PACSIN2: variants seen among roughly 807,000 people sequenced by gnomAD.
The protein encoded by PACSIN2 is protein kinase C and casein kinase substrate in neurons 2.
In PACSIN2, 25 loss-of-function variants were observed where a neutral mutation model predicts 63.8. That is an observed-to-expected ratio of 0.39 (90% confidence interval 0.29 to 0.55). The LOEUF is 0.55. Among genes scored for constraint, PACSIN2 ranks in the 20% least tolerant of loss-of-function variants. The pLI, the probability that PACSIN2 is intolerant of heterozygous loss-of-function variation, is 0.62. For synonymous variants in PACSIN2, 255 were observed against 256.2 expected (o/e 1.00, Z 0.05); for missense variants, 518 against 646.9 (o/e 0.80, Z 2.16).
At chr22:42,941,809 C>T (rs750252863) in intron 1 of PACSIN2, among the ~76,000 whole-genome samples, 4 of 152,202 alleles carry the variant, frequency 2.6e-5, no homozygotes, top group Non-Finnish European at 4.4e-5. Flanking sequence ...CACTCTGTCA[C>T]TCTGTCACCC....
chr22:42,949,298 C>T (rs1933573025), intron 1 of PACSIN2, among the ~76,000 whole-genome samples: 1 of 152,188 alleles, frequency 6.6e-6, no homozygotes, highest in Admixed American at 6.5e-5. Context: ...AGCCTTCTTG[C>T]TCCTAGTATG....
chr22:42,985,351 ATGGGGTGCTCACCCCAGAGACTGGC>A (rs2146893484), intron 1 of PACSIN2, among the ~76,000 whole-genome samples: 2 of 152,312 alleles, frequency 1.3e-5, no homozygotes, highest in South Asian at 4.1e-4. Flanking sequence ...ACCTCTCTGG[ATGGGGTGCTCACCCCAGAGACTGGC>A]TGTCTCCCAC....
chr22:42,952,848 T>G (rs930558285), intron 1 of PACSIN2, among the ~76,000 whole-genome samples: 2 of 152,110 alleles, frequency 1.3e-5, no homozygotes, highest in Admixed American at 6.6e-5. Context: ...TGTTTTTTAG[T>G]AGAGACGGGG....
At chr22:42,939,643 A>G (rs1303744937) in intron 1 of PACSIN2, among the ~76,000 whole-genome samples, 1 of 152,202 alleles carries the variant, frequency 6.6e-6, no homozygotes, top group African/African-American at 2.4e-5. Context: ...GGGTGGGACT[A>G]GAACACACAA....
intron 10 of PACSIN2, among the ~76,000 whole-genome samples, chr22:42,874,779 C>A (rs1446501228): frequency 6.6e-6 from 1 of 152,192 alleles, no homozygotes; most frequent in Non-Finnish European, 1.5e-5. Flanking sequence ...CAGCCTTGGC[C>A]CAGCAAGGTG....
intron 1 of PACSIN2, among the ~76,000 whole-genome samples, chr22:42,974,532 A>G (rs986328403): frequency 6.6e-6 from 1 of 152,100 alleles, no homozygotes; most frequent in Non-Finnish European, 1.5e-5. Flanking sequence ...GAGGCCATCC[A>G]TTAAAAGATC....
intron 4 of PACSIN2, 99 bp from the exon 5 acceptor site, chr22:42,888,897 G>C (rs1602188073): frequency 8.1e-7 from 1 of 1,230,584 alleles, no homozygotes; most frequent in Non-Finnish European, 1.2e-6. Flanking sequence ...TACCAAGAGG[G>C]GAGAAAAAGG....
Position 43,009,871 on chromosome 22 carries a change from T to TTTA in PACSIN2, c.-78+5149_-78+5150insTAA, listed in dbSNP as rs1569376996. ...ACATCATTTTATTTTTTCTATTTTTTTTTTTTTTTTTTTTTGAGACAGAGT... is the reference window on the plus strand; with the variant it reads ...ACATCATTTTATTTTTTCTATTTTTTTTATTTTTTTTTTTTTTTGAGACAGAGT... On this transcript the variant is annotated intron_variant, in intron 1 of 10. Coordinates refer to ENST00000263246, the MANE Select transcript of PACSIN2 (RefSeq NM_001184970.3). Among the ~76,000 whole-genome samples, 534 of 69,074 alleles carry TTTA rather than the reference T, an allele frequency of 7.7e-3. 7 individuals are homozygous for TTTA. The highest frequency in any genetic ancestry group is 0.018 in the African/African-American group (509 of 28,204). 45.3% of individuals were successfully genotyped at this position (69,074 alleles called of 152,430 possible).
chr22:42,919,326 G>C (rs1380023210), intron 1 of PACSIN2, among the ~76,000 whole-genome samples: 3 of 152,090 alleles, frequency 2.0e-5, no homozygotes, highest in Non-Finnish European at 4.4e-5. Context: ...TAAGAGGCTC[G>C]GGGCGACAGC....
chr22:42,918,849 C>T (rs764693375), intron 1 of PACSIN2, among the ~76,000 whole-genome samples: 13 of 152,132 alleles, frequency 8.5e-5, no homozygotes, highest in Non-Finnish European at 1.8e-4. Flanking sequence ...TTTTGACACA[C>T]ACATGTCCTT....
At chr22:42,926,330 G>A (rs563392980) in intron 1 of PACSIN2, among the ~76,000 whole-genome samples, 5 of 152,118 alleles carry the variant, frequency 3.3e-5, no homozygotes, top group Admixed American at 1.3e-4. Flanking sequence ...AGCACCCATC[G>A]GCCTGGGCAG....
intron 1 of PACSIN2, among the ~76,000 whole-genome samples, chr22:42,994,606 G>GT (rs1923273551): frequency 1.3e-5 from 2 of 152,246 alleles, no homozygotes; most frequent in Non-Finnish European, 1.5e-5. Context: ...GGGTCTGGGG[G>GT]TTACTGGGGC....
rs111792107 is a variant in PACSIN2, at chr22:42,938,419, G to A, written c.-77-26262C>T. On this transcript the variant is annotated intron_variant, in intron 1 of 10. Transcript: ENST00000263246. ...CTCCCCTCTGGAACACACAGGAGGCGTCAGAAAGAAGCCTGACCTTCTCCC... is the reference window on the plus strand; with the variant it reads ...CTCCCCTCTGGAACACACAGGAGGCATCAGAAAGAAGCCTGACCTTCTCCC... Among the ~76,000 whole-genome samples the A allele has an allele frequency of 4.9e-3, 753 of 152,308 alleles. 4 individuals carry two copies. The highest frequency in any genetic ancestry group is 0.048 in the Middle Eastern group (14 of 294).
At chr22:42,941,848 C>T (rs796351317) in intron 1 of PACSIN2, among the ~76,000 whole-genome samples, 6 of 152,302 alleles carry the variant, frequency 3.9e-5, no homozygotes, top group African/African-American at 1.4e-4. Context: ...GCATTCTCGG[C>T]TCACTGCAAC....
intron 1 of PACSIN2, among the ~76,000 whole-genome samples, chr22:42,959,263 T>C (rs1316676812): frequency 1.3e-5 from 2 of 152,216 alleles, no homozygotes; most frequent in African/African-American, 2.4e-5. Context: ...ACTTATGTGT[T>C]TGTAGATTAG....
intron 1 of PACSIN2, among the ~76,000 whole-genome samples, chr22:42,997,302 T>C (rs140105270): frequency 0.02 from 3,100 of 152,352 alleles, 48 homozygotes; most frequent in East Asian, 0.03. Flanking sequence ...CTCACGCCTG[T>C]TATCCCAGGA....
At position 42,884,505 on chromosome 22, in the gene PACSIN2, G is replaced by A. The variant is rs758986688; in HGVS notation, c.666C>T (p.Tyr222=). The stretch of plus-strand genomic sequence containing the variant: ...CAAACACCTGCTCCATGTTCTCCAT[G>A]TACTGGGGTGTGCCCTGGTCGAGTT... ...LKELDQGTPQ[Y]MENMEQVFEQ... is the part of the protein sequence containing the mutation. The change falls in exon 6 of 11, where the codon TAC becomes TAT. Residue 222 remains tyrosine (Y), a synonymous_variant. Transcript: ENST00000263246. 2 of 1,614,060 alleles carry A rather than the reference G, an allele frequency of 1.2e-6. No individual in the cohort carries two copies. The highest frequency in any genetic ancestry group is 2.7e-5 in the African/African-American group (2 of 74,934).
At chr22:42,976,380 A>G (rs1250987746) in intron 1 of PACSIN2, among the ~76,000 whole-genome samples, 3 of 152,264 alleles carry the variant, frequency 2.0e-5, no homozygotes, top group Non-Finnish European at 4.4e-5. Context: ...CACTTGCTCC[A>G]GACAGAGCAG....
intron 1 of PACSIN2, among the ~76,000 whole-genome samples, chr22:42,982,887 A>AAAAAAAAAAAAAC (rs200348918): frequency 0.019 from 2,463 of 128,844 alleles, 104 homozygotes; most frequent in Non-Finnish European, 0.032. Flanking sequence ...AAAAAAAAAA[A>AAAAAAAAAAAAAC]AAACAACAAC....
Sources: allele counts gnomAD v4.1 joint callset (sites outside exome capture counted in the v4.1 genomes callset), GRCh38; gene constraint gnomAD v4.1.1; transcripts MANE v1.5; gene names NCBI Gene and HGNC (gene_info 2026-07-23, HGNC 2026-07-21).